The following GIPC1 variants were observed in gnomAD, a reference collection of about 807,000 sequenced individuals.
The protein encoded by GIPC1 is PDZ domain-containing protein GIPC1.
In GIPC1, 15 loss-of-function variants were observed where a neutral mutation model predicts 28.5. The observed-to-expected ratio is 0.53, with a 90% CI of 0.35 to 0.81. The LOEUF is 0.81. Ranked by LOEUF, GIPC1 falls within the 30% of genes least tolerant of loss-of-function variation. GIPC1 has a pLI of 0.01. For missense variants in GIPC1, 439 were observed against 481.9 expected (o/e 0.91, Z 0.83); for synonymous variants, 224 against 206.1 (o/e 1.09, Z -0.74).
chr19:14,487,425 G>A (rs2071872867), intron 3 of GIPC1, among the ~76,000 whole-genome samples: 1 of 149,476 alleles, frequency 6.7e-6, no homozygotes, highest in Admixed American at 6.6e-5. Context: ...TAGTAGAGAC[G>A]GAGTTTCACT....
intron 3 of GIPC1, chr19:14,489,554 A>T: frequency 1.0e-6 from 1 of 972,304 alleles, no homozygotes; most frequent in Non-Finnish European, 1.7e-6. Context: ...CAACAGAAAA[A>T]TATTGGAATG....
intron 3 of GIPC1, among the ~76,000 whole-genome samples, chr19:14,491,231 G>T (rs565168824): frequency 4.6e-5 from 7 of 151,664 alleles, no homozygotes; most frequent in Admixed American, 4.6e-4. Flanking sequence ...TCTTCCAGGG[G>T]GCCATGCTGG....
intron 3 of GIPC1, among the ~76,000 whole-genome samples, chr19:14,484,809 CAG>C (rs1568364397): frequency 6.6e-6 from 1 of 151,942 alleles, no homozygotes; most frequent in Non-Finnish European, 1.5e-5. Context: ...ATATGTTGCC[CAG>C]AGTGATCTCA....
At chr19:14,490,546 A>G (rs1236593864) in intron 3 of GIPC1, among the ~76,000 whole-genome samples, 2 of 146,540 alleles carry the variant, frequency 1.4e-5, no homozygotes, top group East Asian at 2.1e-4. Context: ...GTGTAGTGGC[A>G]CATGCCTGTA....
intron 3 of GIPC1, among the ~76,000 whole-genome samples, chr19:14,491,152 T>G (rs1411934847): frequency 6.6e-6 from 1 of 152,052 alleles, no homozygotes; most frequent in Non-Finnish European, 1.5e-5. Flanking sequence ...AAGGCTGGTG[T>G]GAGCCACTGC....
At chr19:14,492,453 C>G (rs1184094618) in intron 2 of GIPC1, among the ~76,000 whole-genome samples, 1 of 152,030 alleles carries the variant, frequency 6.6e-6, no homozygotes, top group Admixed American at 6.6e-5. Flanking sequence ...ACTACAGGTG[C>G]CCGCCACCAT....
intron 4 of GIPC1, among the ~76,000 whole-genome samples, chr19:14,481,263 C>T (rs1056185354): frequency 6.6e-6 from 1 of 152,106 alleles, no homozygotes; most frequent in Non-Finnish European, 1.5e-5. Context: ...CGTGCCACCA[C>T]ACCCACATAG....
chr19:14,483,424 C>G (rs2071774700), intron 3 of GIPC1: 1 of 161,228 alleles, frequency 6.2e-6, no homozygotes, highest in African/African-American at 2.4e-5. Flanking sequence ...CCACTGCACT[C>G]TAGCCTGGGT....
rs1320152918 is a variant in GIPC1, at chr19:14,482,956, C to T, written c.21G>A (p.Arg7=). The T allele has an allele frequency of 6.2e-7, 1 of 1,611,772 alleles. No homozygotes were observed. The part of the protein sequence containing the change: MPLGLG[R]RKKAPPLVEN... The stretch of plus-strand genomic sequence containing the variant: ...CCACTAGAGGGGGCGCCTTTTTCCG[C>T]CGCCCCAGTCCCAGCGGCATGAGCA... Residue 7 remains arginine, a synonymous_variant, in exon 4 of 9, where the codon CGG becomes CGA. Coordinates refer to ENST00000393033, the MANE Select transcript of GIPC1 (RefSeq NM_005716.4).
At position 14,480,658 on chromosome 19, in the gene GIPC1, ACACCTC is replaced by A; in HGVS notation, c.403_408del (p.Glu135_Val136del). Reference sequence around the variant, plus strand: ...AGCCCGAGTGCATCCTCCGACTTGAACACCTCCACCTCCTTGCGCTGCCCCTTCACG... The same window carrying A: ...AGCCCGAGTGCATCCTCCGACTTGAACACCTCCTTGCGCTGCCCCTTCACG... On this transcript the variant is annotated inframe_deletion, in exon 5 of 9. Coordinates refer to ENST00000393033, the MANE Select transcript of GIPC1 (RefSeq NM_005716.4). 6.2e-7 allele frequency: 1 copy of A among 1,613,962 alleles called. No individual in the cohort carries two copies. Among genetic ancestry groups the A allele is most frequent in the Non-Finnish European group, 8.5e-7 (1 of 1,179,976 alleles).
chr19:14,482,821 TG>T lies in GIPC1; in HGVS notation c.155del (p.Pro52GlnfsTer46). 4 of 1,565,558 alleles carry T rather than the reference TG, an allele frequency of 2.6e-6. No individual in the cohort carries two copies. The highest frequency in any genetic ancestry group is 3.5e-6 in the Non-Finnish European group (4 of 1,151,260). ...GGAACACGAGGCGGGGCCGCAGGGC[TG>T]GGGGAGGGGGGGGCAAGCCCATTTG... ...GPQMGLPPPP[P>X]ALRPRLVFHT... On this transcript the variant is annotated frameshift_variant, in exon 4 of 9. Coordinates refer to ENST00000393033, the MANE Select transcript of GIPC1 (RefSeq NM_005716.4). LOFTEE classifies it high-confidence loss of function.
At chr19:14,485,702 TAGAGAGAGAGAGAGAGAGAGAGAG>T (rs747570310) in intron 3 of GIPC1, among the ~76,000 whole-genome samples, 2 of 58,802 alleles carry the variant, frequency 3.4e-5, no homozygotes, top group Admixed American at 2.2e-4. Context: ...TATATATATA[TAGAGAGAGAGAGAGAGAGAGAGAG>T]AGAGAGAGAG....
intron 3 of GIPC1, among the ~76,000 whole-genome samples, chr19:14,486,379 C>T (rs927705385): frequency 8.5e-5 from 13 of 152,148 alleles, no homozygotes; most frequent in African/African-American, 3.1e-4. Context: ...CACTTCCTGG[C>T]CTCCTTGTGA....
intron 2 of GIPC1, among the ~76,000 whole-genome samples, chr19:14,492,185 G>A (rs1235796477): frequency 6.6e-6 from 1 of 152,226 alleles, no homozygotes; most frequent in East Asian, 1.9e-4. Context: ...CTTAATAGCT[G>A]TGTGACTTTG....
Position 14,478,806 on chromosome 19 carries a change from T to C in GIPC1, c.769-41A>G. 1.4e-6 allele frequency: 2 copies of C among 1,385,556 alleles called. No individual in the cohort carries two copies. The highest frequency in any genetic ancestry group is 2.1e-6 in the Non-Finnish European group (2 of 971,776). The allele number at this position is 1,385,556 out of a possible 1,614,324, so 85.8% of individuals were successfully genotyped here. ...GGGTGACAGCGACATCATAACAATG[T>C]GAATATACATAGTAATTGGACGGAC... On this transcript the variant is annotated intron_variant, in intron 7 of 8. Coordinates refer to ENST00000393033, the MANE Select transcript of GIPC1 (RefSeq NM_005716.4). This position sits in a 1 kb window ranked among gnomAD's most constrained non-coding sequence, Gnocchi z 5.2.
intron 6 of GIPC1, 93 bp downstream of exon 6, chr19:14,480,212 A>G: frequency 7.3e-6 from 8 of 1,097,316 alleles, no homozygotes; most frequent in Non-Finnish European, 1.1e-5. Context: ...TCGGCAGGCC[A>G]GGCTTGGGCG....
At chr19:14,492,210 C>G (rs768308817) in intron 2 of GIPC1, among the ~76,000 whole-genome samples, 5 of 152,228 alleles carry the variant, frequency 3.3e-5, no homozygotes, top group Non-Finnish European at 2.9e-5. Flanking sequence ...AGGGTCTTAA[C>G]CTCTCTGAGC....
At chr19:14,484,746 GAAAACAAAAAACAA>G (rs201729538) in intron 3 of GIPC1, among the ~76,000 whole-genome samples, 5 of 151,726 alleles carry the variant, frequency 3.3e-5, no homozygotes, top group Admixed American at 2.6e-4. Flanking sequence ...CTCAAAAACA[GAAAACAAAAAACAA>G]AAAACAAAAA....
In GIPC1 at chr19:14,480,436, C is replaced by T; in HGVS notation, c.524G>A (p.Gly175Asp). 1 of 1,613,914 alleles carries T rather than the reference C, an allele frequency of 6.2e-7. No individual in the cohort carries two copies. The highest frequency in any genetic ancestry group is 8.5e-7 in the Non-Finnish European group (1 of 1,179,926). The change falls in exon 6 of 9, where the codon GGC becomes GAC. Residue 175 changes from glycine to aspartate, a missense_variant. Transcript: ENST00000393033. ...VIDHIHLISV[G>D]DMIEAINGQS... ...CCCGTTAATGGCCTCGATCATGTCGCCCACGCTGATGAGGTGGATGTGGTC... is the reference window on the plus strand; with the variant it reads ...CCCGTTAATGGCCTCGATCATGTCGTCCACGCTGATGAGGTGGATGTGGTC...
Sources: gnomAD v4.1 joint callset for allele counts (sites outside exome capture counted in the v4.1 genomes callset) on GRCh38, gnomAD v4.1.1 for gene constraint, Gnocchi (gnomAD v3.1) non-coding constraint, MANE v1.5 for transcripts, NCBI Gene and HGNC (gene_info 2026-07-23, HGNC 2026-07-21) for gene names.